The following FAIM variants were observed in gnomAD, a reference collection of about 807,000 sequenced individuals.
The protein encoded by FAIM is Fas apoptotic inhibitory molecule.
In FAIM, 14 loss-of-function variants were observed where a neutral mutation model predicts 21.2. The ratio of observed to expected loss-of-function variants is 0.66; its 90% CI spans 0.44 to 1.03. The LOEUF is 1.03. FAIM is among the 50% of genes least tolerant of loss of function. The pLI is 0.00. For missense variants in FAIM, 222 were observed against 247.1 expected (o/e 0.90, Z 0.68); for synonymous variants, 86 against 80.4 (o/e 1.07, Z -0.37).
intron 5 of FAIM, among the ~76,000 whole-genome samples, chr3:138,632,601 G>A (rs2043017440): frequency 1.3e-5 from 2 of 152,112 alleles, no homozygotes; most frequent in South Asian, 4.1e-4. Flanking sequence ...AAGGTGGGTA[G>A]ATCACTTGAG....
chr3:138,609,547 T>TC (rs2042733600), intron 1 of FAIM, among the ~76,000 whole-genome samples: 1 of 35,064 alleles, frequency 2.9e-5, no homozygotes. Flanking sequence ...TCTCTCTCTC[T>TC]CTCTCTCTCT....
chr3:138,609,054 C>T (rs2042720904), intron 1 of FAIM, 117 bp downstream of exon 1: 1 of 152,542 alleles, frequency 6.6e-6, no homozygotes, highest in African/African-American at 2.4e-5. Context: ...TCCCCACGCT[C>T]TCGGCCCTGC....
intron 1 of FAIM, chr3:138,610,882 C>A (rs2042760717): frequency 3.8e-6 from 5 of 1,321,152 alleles, no homozygotes; most frequent in Non-Finnish European, 5.4e-6. Context: ...TCGCGCCTGG[C>A]CACTTTCTCC....
At chr3:138,620,451 T>A (rs944858139) in intron 2 of FAIM, among the ~76,000 whole-genome samples, 4 of 152,178 alleles carry the variant, frequency 2.6e-5, no homozygotes, top group African/African-American at 4.8e-5. Flanking sequence ...ACATCAAAAA[T>A]ATATGTTGAA....
In FAIM at chr3:138,622,357, C is replaced by A. The variant is rs767586049; in HGVS notation, c.347C>A (p.Ser116Ter). Residue 116 changes from serine to a stop codon, truncating the protein, a stop_gained, in exon 4 of 6, where the codon TCA (serine) becomes TAA (stop). Transcript: ENST00000360570. LOFTEE classifies it high-confidence loss of function. Reference protein sequence around the residue: ...KSLKKYMEDRSKTTNTWVLHM... With the variant: ...KSLKKYMEDR The stretch of plus-strand genomic sequence containing the variant: ...CTCAAGAAGTATATGGAGGACAGAT[C>A]AAAAACCACCAATACTTGGGTATTA... 1.9e-6 allele frequency: 3 copies of A among 1,612,366 alleles called. No individual in the cohort carries two copies. The highest frequency in any genetic ancestry group is 1.7e-5 in the Admixed American group (1 of 59,874).
At chr3:138,628,729 T>C (rs928202888) in intron 4 of FAIM, among the ~76,000 whole-genome samples, 27 of 152,100 alleles carry the variant, frequency 1.8e-4, no homozygotes, top group Non-Finnish European at 2.5e-4. Flanking sequence ...GTGATCCGCC[T>C]GCCTCAGTCT....
chr3:138,632,727 T>C (rs2043018814), intron 5 of FAIM, among the ~76,000 whole-genome samples: 1 of 152,216 alleles, frequency 6.6e-6, no homozygotes, highest in African/African-American at 2.4e-5. Flanking sequence ...TTAAGGATTG[T>C]AGGGGTTATG....
At chr3:138,613,780 C>T (rs1394268866) in intron 1 of FAIM, among the ~76,000 whole-genome samples, 2 of 152,176 alleles carry the variant, frequency 1.3e-5, no homozygotes, top group Non-Finnish European at 2.9e-5. Context: ...CCACCACACC[C>T]AGTCAGTTTT....
chr3:138,627,568 G>A (rs1030689151), intron 4 of FAIM, among the ~76,000 whole-genome samples: 5 of 152,052 alleles, frequency 3.3e-5, no homozygotes, highest in South Asian at 2.1e-4. Flanking sequence ...ATGCTAATAC[G>A]CTATTGTAGA....
chr3:138,633,136 A>G lies in FAIM; in HGVS notation c.*57A>G, dbSNP rs2043024968. The G allele has an allele frequency of 1.3e-6, 2 of 1,525,170 alleles. No individual in the cohort carries two copies. The highest frequency in any genetic ancestry group is 1.8e-5 in the Admixed American group (1 of 56,874). The allele number at this position is 1,525,170 out of a possible 1,614,324, so 94.5% of individuals were successfully genotyped here. On this transcript the variant is annotated 3_prime_UTR_variant, in exon 6 of 6. Coordinates refer to ENST00000360570, the MANE Select transcript of FAIM (RefSeq NM_001033031.2). ...ACTTTTTAATTACTGTGGTAATTAAATGTGTTCAGTATGTACTTATCAGTA... is the reference window on the plus strand; with the variant it reads ...ACTTTTTAATTACTGTGGTAATTAAGTGTGTTCAGTATGTACTTATCAGTA...
chr3:138,610,787 T>C, intron 1 of FAIM: 1 of 568,708 alleles, frequency 1.8e-6, no homozygotes, highest in South Asian at 2.4e-5. Flanking sequence ...TTCACCGTTT[T>C]GTCCAGGCTG....
intron 5 of FAIM, chr3:138,631,009 T>C (rs908057679): frequency 1.3e-5 from 2 of 151,928 alleles, no homozygotes; most frequent in Non-Finnish European, 2.9e-5. Context: ...TGGTGGCACA[T>C]GCCTATAGTC....
chr3:138,620,303 A>G (rs981019739), intron 2 of FAIM, among the ~76,000 whole-genome samples: 1 of 152,210 alleles, frequency 6.6e-6, no homozygotes, highest in African/African-American at 2.4e-5. Flanking sequence ...TGACTGATAC[A>G]TAGTTATCAC....
intron 1 of FAIM, chr3:138,609,159 C>T (rs1365655439): frequency 6.6e-6 from 1 of 151,630 alleles, no homozygotes; most frequent in South Asian, 2.0e-4. Context: ...GAGTTCCGGA[C>T]GCTTCCAGCC....
chr3:138,616,542 T>C (rs1245839763), intron 1 of FAIM, among the ~76,000 whole-genome samples: 8 of 151,838 alleles, frequency 5.3e-5, no homozygotes, highest in East Asian at 1.9e-4. Context: ...ACCCAGCTAA[T>C]TTTTTTTGGT....
intron 1 of FAIM, among the ~76,000 whole-genome samples, chr3:138,609,585 CT>C (rs2042741136): frequency 7.5e-5 from 3 of 40,184 alleles, no homozygotes; most frequent in Non-Finnish European, 9.4e-5. Flanking sequence ...TCGACTCTCT[CT>C]CTCTCGACTC....
At chr3:138,613,107 T>G (rs2042788760) in intron 1 of FAIM, among the ~76,000 whole-genome samples, 1 of 151,574 alleles carries the variant, frequency 6.6e-6, no homozygotes, top group Non-Finnish European at 1.5e-5. Flanking sequence ...CTCCGCCTCC[T>G]GGGTTCAAGC....
chr3:138,611,952 T>A (rs2042773636), intron 1 of FAIM, among the ~76,000 whole-genome samples: 1 of 152,202 alleles, frequency 6.6e-6, no homozygotes, highest in Non-Finnish European at 1.5e-5. Context: ...TATTCCTTTG[T>A]AGCAGCATGA....
rs752965480 is a variant in FAIM at position 138,622,236 on chromosome 3, T to G, written c.226T>G (p.Phe76Val). 1.2e-6 allele frequency: 2 copies of G among 1,613,634 alleles called. No homozygotes were observed. Among genetic ancestry groups the G allele is most frequent in the East Asian group, 2.2e-5 (1 of 44,852 alleles). The change falls in exon 4 of 6, where the codon TTC becomes GTC. Residue 76 changes from phenylalanine to valine, a missense_variant. Coordinates refer to ENST00000360570, the MANE Select transcript of FAIM (RefSeq NM_001033031.2). ...WMFKLVGKET[F>V]YVGAAKTKAT... is the part of the protein sequence containing the mutation. Reference sequence around the variant, plus strand: ...GTTCAAATTAGTGGGCAAAGAAACATTCTATGTTGGAGCTGCAAAGACAAA... The same window carrying G: ...GTTCAAATTAGTGGGCAAAGAAACAGTCTATGTTGGAGCTGCAAAGACAAA...
Sources: gnomAD v4.1 joint callset for allele counts (sites outside exome capture counted in the v4.1 genomes callset) on GRCh38, gnomAD v4.1.1 for gene constraint, MANE v1.5 for transcripts, NCBI Gene and HGNC (gene_info 2026-07-23, HGNC 2026-07-21) for gene names.